The following PTPRD variants were observed in gnomAD, a reference collection of about 807,000 sequenced individuals.
PTPRD encodes receptor-type tyrosine-protein phosphatase delta.
A neutral mutation model predicts 214.5 loss-of-function variants in PTPRD; 34 were observed. That is an observed-to-expected ratio of 0.16 (90% CI 0.12 to 0.21). The LOEUF (loss-of-function observed/expected upper bound fraction) is 0.21. Ranked by LOEUF, PTPRD falls within the 10% of genes least tolerant of loss-of-function variation. PTPRD has a pLI of 1.00. For synonymous variants in PTPRD, 1,128 were observed against 845.7 expected, an observed-to-expected ratio of 1.33 and a Z score of -5.79; for missense variants, 2,545 against 2,398.7, an observed-to-expected ratio of 1.06 and a Z score of -1.27.
At chr9:9,791,411 A>G (rs2098966391) in intron 5 of PTPRD, among the ~76,000 whole-genome samples, 2 of 152,246 alleles carry the variant, frequency 1.3e-5, no homozygotes, top group African/African-American at 4.8e-5. Flanking sequence ...CAATTATAAT[A>G]ACGACCTTTA....
intron 9 of PTPRD, among the ~76,000 whole-genome samples, chr9:9,280,081 T>G (rs1036172865): frequency 6.6e-6 from 1 of 151,372 alleles, no homozygotes; most frequent in African/African-American, 2.4e-5. Flanking sequence ...TGTGGTACTA[T>G]AAGGGGCTGC....
At chr9:9,595,082 A>C (rs2093158870) in intron 7 of PTPRD, among the ~76,000 whole-genome samples, 1 of 151,778 alleles carries the variant, frequency 6.6e-6, no homozygotes, top group Non-Finnish European at 1.5e-5. Flanking sequence ...CAATTCAAAA[A>C]ATAATAGATG....
intron 9 of PTPRD, among the ~76,000 whole-genome samples, chr9:9,234,991 A>G (rs569248325): frequency 6.6e-6 from 1 of 152,234 alleles, no homozygotes; most frequent in African/African-American, 2.4e-5. Context: ...AATTTATTGT[A>G]TTAGTTCATT....
intron 12 of PTPRD, among the ~76,000 whole-genome samples, chr9:8,729,408 C>T (rs1442176038): frequency 6.6e-6 from 1 of 151,162 alleles, no homozygotes; most frequent in East Asian, 1.9e-4. Context: ...GAAAACCTGG[C>T]TTATCCACCA....
chr9:9,363,863 C>G (rs1569567733), intron 9 of PTPRD, among the ~76,000 whole-genome samples: 1 of 151,302 alleles, frequency 6.6e-6, no homozygotes, highest in East Asian at 1.9e-4. Flanking sequence ...GGTGTTGATA[C>G]TTAATTATTT....
intron 6 of PTPRD, among the ~76,000 whole-genome samples, chr9:9,763,029 CAG>C (rs2154476980): frequency 6.6e-6 from 1 of 152,280 alleles, no homozygotes; most frequent in African/African-American, 2.4e-5. Flanking sequence ...TGTGTGTAAG[CAG>C]AGAGGGAAAG....
At position 8,758,355 on chromosome 9, in the gene PTPRD, A is replaced by G. The variant is rs571928248; in HGVS notation, c.-103-24409T>C. Among the ~76,000 whole-genome samples the G allele has an allele frequency of 9.5e-4, 144 of 152,330 alleles. 1 individual carries two copies. Among genetic ancestry groups the G allele is most frequent in the Middle Eastern group, 3.4e-3 (1 of 294 alleles). On this transcript the variant is annotated intron_variant, in intron 11 of 45. Transcript: ENST00000381196. ...TTACATACAATAGATCCCTTAAGGC[A>G]TCAGGGCTGAACTCTGTGAGTTCAG...
At chr9:10,493,363 A>T (rs1371942015) in intron 2 of PTPRD, among the ~76,000 whole-genome samples, 2 of 152,166 alleles carry the variant, frequency 1.3e-5, no homozygotes, top group Non-Finnish European at 2.9e-5. Context: ...ACAAGCCTAC[A>T]GTAAACAAAA....
chr9:9,235,721 C>T (rs1468300190), intron 9 of PTPRD, among the ~76,000 whole-genome samples: 2 of 152,134 alleles, frequency 1.3e-5, no homozygotes, highest in Admixed American at 6.5e-5. Context: ...TGTCAGCTGT[C>T]CCAGATTTCT....
At chr9:8,521,113 G>A (rs2097882970) in intron 20 of PTPRD, among the ~76,000 whole-genome samples, 164 bp downstream of exon 20, 3 of 152,080 alleles carry the variant, frequency 2.0e-5, no homozygotes, top group African/African-American at 7.2e-5. Context: ...CGCCTATCTA[G>A]GCTTATGCAT....
At chr9:8,498,854 G>A (rs571083122) in intron 25 of PTPRD, among the ~76,000 whole-genome samples, 3 of 152,060 alleles carry the variant, frequency 2.0e-5, no homozygotes, top group Admixed American at 6.5e-5. Flanking sequence ...AAACTCAAGC[G>A]AATTTATTAT....
chr9:9,727,086 C>T (rs1442762433), intron 7 of PTPRD, among the ~76,000 whole-genome samples: 1 of 152,130 alleles, frequency 6.6e-6, no homozygotes, highest in South Asian at 2.1e-4. Flanking sequence ...CAAATGTGTG[C>T]TTAATTAACC....
chr9:9,442,305 T>C (rs1254135186), intron 8 of PTPRD: 3 of 152,262 alleles, frequency 2.0e-5, no homozygotes, highest in South Asian at 2.1e-4. Flanking sequence ...AAGTCTGTAA[T>C]GCTACTGGTG....
intron 3 of PTPRD, among the ~76,000 whole-genome samples, chr9:10,291,962 G>A (rs1200458611): frequency 6.6e-6 from 1 of 151,950 alleles, no homozygotes; most frequent in Non-Finnish European, 1.5e-5. Flanking sequence ...TCTGGTTAAT[G>A]GGTTTACATT....
intron 10 of PTPRD, among the ~76,000 whole-genome samples, chr9:9,040,689 G>C (rs2099636969): frequency 6.6e-6 from 1 of 152,064 alleles, no homozygotes; most frequent in African/African-American, 2.4e-5. Flanking sequence ...CAGAATGGAA[G>C]GTTATCTATA....
At chr9:8,991,111 C>A (rs184760242) in intron 11 of PTPRD, among the ~76,000 whole-genome samples, 1 of 150,294 alleles carries the variant, frequency 6.7e-6, no homozygotes, top group Non-Finnish European at 1.5e-5. Flanking sequence ...CCCAGCTACT[C>A]GGGAGGCTGA....
At chr9:9,281,523 T>C (rs968057644) in intron 9 of PTPRD, among the ~76,000 whole-genome samples, 7 of 151,266 alleles carry the variant, frequency 4.6e-5, no homozygotes, top group Non-Finnish European at 1.0e-4. Context: ...CCTTAGGAAA[T>C]TGCAAATTAA....
intron 5 of PTPRD, among the ~76,000 whole-genome samples, chr9:9,873,664 T>G (rs1444821347): frequency 6.6e-6 from 1 of 152,168 alleles, no homozygotes; most frequent in Non-Finnish European, 1.5e-5. Flanking sequence ...TAGAATGTAG[T>G]TTGCTATTTA....
At chr9:9,324,294 A>C (rs1207528796) in intron 9 of PTPRD, among the ~76,000 whole-genome samples, 1 of 152,174 alleles carries the variant, frequency 6.6e-6, no homozygotes, top group East Asian at 1.9e-4. Context: ...GAACTAGTTT[A>C]CATTCCCACC....
Sources: gnomAD v4.1 joint callset for allele counts (sites outside exome capture counted in the v4.1 genomes callset) on GRCh38, gnomAD v4.1.1 for gene constraint, MANE v1.5 for transcripts, NCBI Gene and HGNC (gene_info 2026-07-23, HGNC 2026-07-21) for gene names.